COL4A2: variants seen among roughly 807,000 people sequenced by gnomAD.
COL4A2 encodes the protein collagen type IV alpha 2 chain.
A neutral mutation model predicts 200.2 loss-of-function variants in COL4A2; 99 were observed. The observed-to-expected ratio is 0.49, with a 90% CI of 0.42 to 0.58. The LOEUF (loss-of-function observed/expected upper bound fraction) is 0.58, where lower values mean the gene tolerates loss of function less well. COL4A2 is among the 20% of genes least tolerant of loss of function. COL4A2 has a pLI of 0.00. For missense variants in COL4A2, 1,950 were observed against 2,314.1 expected, an observed-to-expected ratio of 0.84 and a Z score of 3.23; for synonymous variants, 897 against 900.6, an observed-to-expected ratio of 1.00 and a Z score of 0.07.
At chr13:110,477,688 G>A (rs561871105) in intron 29 of COL4A2, among the ~76,000 whole-genome samples, 2 of 152,162 alleles carry the variant, frequency 1.3e-5, no homozygotes, top group Admixed American at 6.5e-5. Context: ...GTGGCAAAAT[G>A]TTCAAAATAT....
At position 110,431,425 on chromosome 13, in the gene COL4A2, T is replaced by C. The variant is rs561936400; in HGVS notation, c.648+818T>C. On this transcript the variant is annotated intron_variant, in intron 10 of 47. Coordinates refer to ENST00000360467, the MANE Select transcript of COL4A2 (RefSeq NM_001846.4). The stretch of plus-strand genomic sequence containing the variant: ...GGGGGTACTCATAATTCTCTTCAGA[T>C]TATAATAAATGACAATAATAATAAT... 2.0e-5 allele frequency among the ~76,000 whole-genome samples: 3 copies of C among 152,252 alleles called. No homozygotes were observed. In the South Asian group the frequency reaches 6.2e-4, roughly 32 times the overall value.
chr13:110,477,054 A>G (rs1882731302), intron 29 of COL4A2, among the ~76,000 whole-genome samples: 1 of 152,216 alleles, frequency 6.6e-6, no homozygotes, highest in Non-Finnish European at 1.5e-5. Flanking sequence ...CCAGAGGAAA[A>G]TAGGAGCAAA....
chr13:110,420,759 AG>A (rs1880217756), intron 4 of COL4A2, among the ~76,000 whole-genome samples: 1 of 152,210 alleles, frequency 6.6e-6, no homozygotes, highest in African/African-American at 2.4e-5. Flanking sequence ...TGCTCTTTAT[AG>A]ATGCACCACA....
intron 12 of COL4A2, chr13:110,436,045 G>A (rs1880857019): frequency 1.5e-6 from 1 of 681,732 alleles, no homozygotes; most frequent in Admixed American, 2.2e-5. Context: ...CAACCTACAT[G>A]GCTTTTATGC....
chr13:110,367,824 CTTA>C (rs1877819918), intron 4 of COL4A2, among the ~76,000 whole-genome samples: 1 of 152,216 alleles, frequency 6.6e-6, no homozygotes, highest in Non-Finnish European at 1.5e-5. Context: ...AGTGGCAGAT[CTTA>C]TACCCTCAGG....
Position 110,374,129 on chromosome 13 carries a change from GC to G in COL4A2, c.180+16578del, listed in dbSNP as rs1747030550. 2.0e-5 allele frequency among the ~76,000 whole-genome samples: 3 copies of G among 152,206 alleles called. No individual in the cohort carries two copies. In the South Asian group the frequency reaches 6.2e-4, roughly 32 times the overall value. On this transcript the variant is annotated intron_variant, in intron 4 of 47. Coordinates refer to ENST00000360467, the MANE Select transcript of COL4A2 (RefSeq NM_001846.4). ...AAACGATGGCCCGTTGGGTCAGCAT[GC>G]ATTGTCATGATACCCAGCATTGATT...
At chr13:110,330,146 C>G (rs1875840476) in intron 3 of COL4A2, among the ~76,000 whole-genome samples, 1 of 152,120 alleles carries the variant, frequency 6.6e-6, no homozygotes, top group Non-Finnish European at 1.5e-5. Flanking sequence ...TTTCCACGGC[C>G]CCTTTAACTG....
intron 27 of COL4A2, among the ~76,000 whole-genome samples, chr13:110,467,504 C>T (rs1000877465): frequency 2.6e-5 from 4 of 152,202 alleles, no homozygotes; most frequent in African/African-American, 9.7e-5. Flanking sequence ...TAACAGGAAA[C>T]GGGAATAAAC....
intron 3 of COL4A2, among the ~76,000 whole-genome samples, chr13:110,313,604 AGT>A (rs1594139680): frequency 3.9e-3 from 1 of 256 alleles, no homozygotes; most frequent in Admixed American, 0.045. Flanking sequence ...CTCCCACCCC[AGT>A]GCCCCGTGTC....
intron 4 of COL4A2, among the ~76,000 whole-genome samples, chr13:110,394,897 T>C (rs1879131349): frequency 6.6e-6 from 1 of 152,202 alleles, no homozygotes; most frequent in Non-Finnish European, 1.5e-5. Flanking sequence ...TGATTTTCAA[T>C]TCAGAACAAA....
chr13:110,346,014 G>A (rs538946796), intron 3 of COL4A2, among the ~76,000 whole-genome samples: 26 of 152,242 alleles, frequency 1.7e-4, no homozygotes, highest in Non-Finnish European at 2.8e-4. Flanking sequence ...GCTCCGGGGC[G>A]CTGCTGATGT....
chr13:110,332,527 G>A (rs1228204908), intron 3 of COL4A2, among the ~76,000 whole-genome samples: 1 of 152,200 alleles, frequency 6.6e-6, no homozygotes, highest in South Asian at 2.1e-4. Flanking sequence ...CCTTCTTCTA[G>A]AGCACTTTTC....
chr13:110,417,812 C>A lies in COL4A2; in HGVS notation c.181-6922C>A, dbSNP rs79251249. 9.8e-3 allele frequency among the ~76,000 whole-genome samples: 1,496 copies of A among 152,000 alleles called. 26 individuals carry two copies. Among genetic ancestry groups the A allele is most frequent in the African/African-American group, 0.034 (1,402 of 41,470 alleles). The stretch of plus-strand genomic sequence containing the variant: ...TCGGGCATTTTGTTCATTTTTATTG[C>A]CAAATAGCAATCCCAGGAGTGAGCT... On this transcript the variant is annotated intron_variant, in intron 4 of 47. Transcript: ENST00000360467.
chr13:110,491,880 A>G (rs187911952), intron 37 of COL4A2, among the ~76,000 whole-genome samples, 190 bp from the exon 38 acceptor site: 1 of 152,318 alleles, frequency 6.6e-6, no homozygotes, highest in East Asian at 1.9e-4. Flanking sequence ...ATCCTATTGA[A>G]TTTGTATGTG....
intron 3 of COL4A2, among the ~76,000 whole-genome samples, chr13:110,353,706 C>T (rs1020749556): frequency 6.6e-6 from 1 of 152,176 alleles, no homozygotes; most frequent in African/African-American, 2.4e-5. Context: ...GTACTTCGGG[C>T]TCTTGTAAAT....
At chr13:110,433,189 GAC>G (rs1329850506) in intron 11 of COL4A2, among the ~76,000 whole-genome samples, 1 of 152,232 alleles carries the variant, frequency 6.6e-6, no homozygotes, top group Non-Finnish European at 1.5e-5. Context: ...TGTCCCCTCT[GAC>G]ACAGCTTCCG....
chr13:110,469,947 C>G (rs1020880873), intron 28 of COL4A2, among the ~76,000 whole-genome samples: 1 of 132,612 alleles, frequency 7.5e-6, no homozygotes, highest in African/African-American at 2.9e-5. Flanking sequence ...TGGAATCTCG[C>G]TCTGTCACCC....
intron 16 of COL4A2, among the ~76,000 whole-genome samples, 197 bp from the exon 17 acceptor site, chr13:110,445,632 T>G (rs966273345): frequency 6.6e-6 from 1 of 152,246 alleles, no homozygotes; most frequent in Admixed American, 6.5e-5. Flanking sequence ...TTGGACTTTT[T>G]TGGCTCCTGG....
rs757773947 is a variant in COL4A2 at position 110,492,155 on chromosome 13, G to A, written c.3540G>A (p.Trp1180Ter). 1.9e-6 allele frequency: 3 copies of A among 1,552,988 alleles called. No individual in the cohort carries two copies. The highest frequency in any genetic ancestry group is 2.6e-6 in the Non-Finnish European group (3 of 1,147,576). The part of the protein sequence containing the change: ...GLPGGKGDDG[W>*]PGAPGLPGFP... Reference sequence around the variant, plus strand: ...CTGGTGGCAAAGGAGATGATGGCTGGCCGGGAGCTCCGGGCTTACCAGGTA... The same window carrying A: ...CTGGTGGCAAAGGAGATGATGGCTGACCGGGAGCTCCGGGCTTACCAGGTA... The change falls in exon 38 of 48, where the codon TGG becomes TGA. Residue 1180 changes from tryptophan (W) to a stop codon, truncating the protein, a stop_gained. Transcript: ENST00000360467. LOFTEE classifies it high-confidence loss of function.
Sources: allele counts gnomAD v4.1 joint callset (sites outside exome capture counted in the v4.1 genomes callset), GRCh38; gene constraint gnomAD v4.1.1; transcripts MANE v1.5; gene names NCBI Gene and HGNC (gene_info 2026-07-23, HGNC 2026-07-21).